The following UST variants were observed in gnomAD, a reference collection of about 807,000 sequenced individuals.
UST encodes the protein chondroitin sulfate 2-O-sulfotransferase.
In UST, 21 loss-of-function variants were observed where a neutral mutation model predicts 45.6. The observed-to-expected ratio is 0.46, with a 90% CI of 0.33 to 0.66. The LOEUF (loss-of-function observed/expected upper bound fraction) is 0.66, where lower values mean the gene tolerates loss of function less well. UST is among the 30% of genes least tolerant of loss of function. The pLI is 0.02. For missense variants in UST, 463 were observed against 512.4 expected (o/e 0.90, Z 0.93); for synonymous variants, 215 against 200.6 (o/e 1.07, Z -0.61).
chr6:148,993,757 C>A (rs1006132345), intron 5 of UST, among the ~76,000 whole-genome samples: 1 of 152,098 alleles, frequency 6.6e-6, no homozygotes. Context: ...GGCCCCTCCT[C>A]CCCTGAGCCT....
chr6:149,064,594 G>A (rs1776705454), intron 7 of UST, among the ~76,000 whole-genome samples: 1 of 152,208 alleles, frequency 6.6e-6, no homozygotes. Flanking sequence ...GGGCACACCA[G>A]TGAGGCCTAA....
At chr6:148,824,815 G>T (rs1444504670) in intron 1 of UST, among the ~76,000 whole-genome samples, 2 of 142,852 alleles carry the variant, frequency 1.4e-5, no homozygotes, top group Non-Finnish European at 3.0e-5. Context: ...ATCTCCCAAT[G>T]CTATCCCTCC....
At chr6:149,022,100 C>A (rs893789625) in intron 7 of UST, among the ~76,000 whole-genome samples, 15 of 152,200 alleles carry the variant, frequency 9.9e-5, no homozygotes, top group Admixed American at 9.8e-4. Context: ...GTGGTATCAT[C>A]GTAAGTATAA....
chr6:149,024,512 A>C (rs896715887), intron 7 of UST, among the ~76,000 whole-genome samples: 2 of 152,078 alleles, frequency 1.3e-5, no homozygotes, highest in Non-Finnish European at 2.9e-5. Context: ...CTATCCCAAC[A>C]AGTTTCCGTG....
chr6:149,029,866 TTGTGTGTGTGTG>T (rs3074362), intron 7 of UST, among the ~76,000 whole-genome samples: 77 of 140,796 alleles, frequency 5.5e-4, no homozygotes, highest in South Asian at 9.7e-4. Flanking sequence ...GCACTGGATC[TTGTGTGTGTGTG>T]TGTGTGTGTG....
chr6:148,776,577 A>C (rs1278381726), intron 1 of UST, among the ~76,000 whole-genome samples: 1 of 152,224 alleles, frequency 6.6e-6, no homozygotes. Context: ...AAGAGAGATA[A>C]TTGTAGTAAA....
intron 1 of UST, among the ~76,000 whole-genome samples, chr6:148,763,457 G>A (rs1409309007): frequency 6.6e-6 from 1 of 152,132 alleles, no homozygotes; most frequent in African/African-American, 2.4e-5. Context: ...CTTTCTGCAA[G>A]TTGTTTGTTT....
chr6:148,851,956 A>C (rs181032667), intron 1 of UST, among the ~76,000 whole-genome samples: 61 of 152,330 alleles, frequency 4.0e-4, no homozygotes, highest in Non-Finnish European at 3.4e-4. Context: ...CCCACACTGC[A>C]TGTGGCTGGG....
intron 7 of UST, among the ~76,000 whole-genome samples, chr6:149,071,185 C>A (rs1242934114): frequency 6.6e-6 from 1 of 152,122 alleles, no homozygotes. Flanking sequence ...ACCATCCCCA[C>A]CTGTCCCCAA....
Position 149,074,289 on chromosome 6 carries a change from AT to A in UST, c.*177del. On this transcript the variant is annotated 3_prime_UTR_variant, in exon 8 of 8. Transcript: ENST00000367463. ...CGGTTTTGCGGGTTTTATTTGTTTA[AT>A]TTTATTCTGTGTTTTCTCTTGGCTC... 1.4e-6 allele frequency: 1 copy of A among 708,570 alleles called. No homozygotes were observed. Among genetic ancestry groups the A allele is most frequent in the Non-Finnish European group, 2.3e-6 (1 of 438,078 alleles). The allele number at this position is 708,570 out of a possible 1,614,324, so 43.9% of individuals were successfully genotyped here. A position where few individuals can be genotyped will look rare whatever the true frequency, so the allele number is the denominator to read the frequency against.
intron 1 of UST, among the ~76,000 whole-genome samples, chr6:148,820,141 A>G (rs891696367): frequency 6.6e-6 from 1 of 152,178 alleles, no homozygotes; most frequent in Non-Finnish European, 1.5e-5. Flanking sequence ...CAACCGTTTG[A>G]GGATATCGAC....
At chr6:148,832,866 C>T (rs1429081565) in intron 1 of UST, among the ~76,000 whole-genome samples, 3 of 152,170 alleles carry the variant, frequency 2.0e-5, no homozygotes, top group Non-Finnish European at 4.4e-5. Flanking sequence ...TTTCAACTTG[C>T]TTCTTAAAAT....
At chr6:148,963,023 T>C (rs1780697718) in intron 4 of UST, among the ~76,000 whole-genome samples, 1 of 152,254 alleles carries the variant, frequency 6.6e-6, no homozygotes, top group South Asian at 2.1e-4. Flanking sequence ...CACACTGAGC[T>C]AGAGCGTGTC....
intron 5 of UST, among the ~76,000 whole-genome samples, chr6:148,973,137 A>C (rs940543352): frequency 6.6e-6 from 1 of 152,224 alleles, no homozygotes; most frequent in Non-Finnish European, 1.5e-5. Context: ...AAATGTCATT[A>C]AAGAGGTTTG....
chr6:149,068,288 C>T (rs1039440503), intron 7 of UST, among the ~76,000 whole-genome samples: 4 of 152,196 alleles, frequency 2.6e-5, no homozygotes, highest in Admixed American at 2.6e-4. Context: ...AGCTGATTGT[C>T]ATGAGGAGCC....
intron 5 of UST, among the ~76,000 whole-genome samples, chr6:148,990,833 C>T (rs145328737): frequency 1.3e-5 from 2 of 152,266 alleles, no homozygotes; most frequent in South Asian, 2.1e-4. Flanking sequence ...CTCCTAGGAG[C>T]AGGAACTAGA....
intron 1 of UST, among the ~76,000 whole-genome samples, chr6:148,843,056 C>G (rs1777918398): frequency 6.6e-6 from 1 of 152,206 alleles, no homozygotes; most frequent in Non-Finnish European, 1.5e-5. Flanking sequence ...CATCATTTCC[C>G]AGATTAAAAT....
At position 148,747,635 on chromosome 6, in the gene UST, G is replaced by C; in HGVS notation, c.205G>C (p.Gly69Arg). 6.2e-7 allele frequency: 1 copy of C among 1,600,020 alleles called. No individual in the cohort carries two copies. The highest frequency in any genetic ancestry group is 8.5e-7 in the Non-Finnish European group (1 of 1,174,796). ...CLGSLLYQLS[G>R]GPPRFLLDLR... ...GGGCTCCCTCCTCTATCAGCTCAGC[G>C]GGGGACCCCCTCGCTTCCTGCTCGA... The change falls in exon 1 of 8, where the codon GGG becomes CGG. Residue 69 changes from glycine (G) to arginine (R), a missense_variant. Physicochemically the swap from Gly to Arg is moderately radical, Grantham distance 125. Around this residue, in one of 2 missense-constraint regions of UST, gnomAD observed 176 missense variants for 138.3 expected, o/e 1.27. Transcript: ENST00000367463.
chr6:148,806,080 C>CT (rs58176324), intron 1 of UST, among the ~76,000 whole-genome samples: 64,379 of 149,728 alleles, frequency 0.43, 14,424 homozygotes, highest in East Asian at 0.88. Flanking sequence ...CAAAGGGACG[C>CT]TTTTTTTTTT....
Sources: gnomAD v4.1 joint callset for allele counts (sites outside exome capture counted in the v4.1 genomes callset) on GRCh38, gnomAD v4.1.1 for gene constraint, gnomAD v4.1.1 regional missense constraint, MANE v1.5 for transcripts, NCBI Gene and HGNC (gene_info 2026-07-23, HGNC 2026-07-21) for gene names.